The following SHQ1 variants were observed in gnomAD, a reference collection of about 807,000 sequenced individuals.
The protein encoded by SHQ1 is SHQ1, H/ACA ribonucleoprotein assembly factor.
SHQ1 carries 49 observed loss-of-function variants against 53.8 expected under a neutral mutation model. That is an observed-to-expected ratio of 0.91 (90% CI 0.72 to 1.16). SHQ1 has a LOEUF of 1.16. Among genes scored for constraint, SHQ1 ranks in the 50% most tolerant of loss-of-function variants. The probability of loss-of-function intolerance (pLI) is 0.00; values close to 1 mark genes in which losing one functional copy is unlikely to be tolerated. For synonymous variants in SHQ1, 243 were observed against 251.0 expected, an observed-to-expected ratio of 0.97 and a Z score of 0.30; for missense variants, 738 against 683.1, an observed-to-expected ratio of 1.08 and a Z score of -0.90.
chr3:72,772,508 C>A, intron 10 of SHQ1: 1 of 589,072 alleles, frequency 1.7e-6, no homozygotes, highest in South Asian at 1.6e-5. Flanking sequence ...GACCCTCAGA[C>A]AGTGATATGA....
intron 9 of SHQ1, chr3:72,794,420 G>A (rs1415821877): frequency 6.6e-6 from 1 of 152,194 alleles, no homozygotes; most frequent in Non-Finnish European, 1.5e-5. Flanking sequence ...TTCTAAGAAT[G>A]AATGAATACA....
chr3:72,848,101 C>T, intron 1 of SHQ1, 97 bp downstream of exon 1: 1 of 1,454,136 alleles, frequency 6.9e-7, no homozygotes, highest in South Asian at 1.2e-5. Context: ...AAAAGGCATT[C>T]GCGCAATCGA....
At chr3:72,759,860 A>T (rs1322475929) in intron 10 of SHQ1, among the ~76,000 whole-genome samples, 1 of 152,260 alleles carries the variant, frequency 6.6e-6, no homozygotes, top group Non-Finnish European at 1.5e-5. Flanking sequence ...TTGTATTTGT[A>T]ATTGTTCTAA....
chr3:72,812,403 T>C (rs1707152486), intron 9 of SHQ1, among the ~76,000 whole-genome samples: 1 of 152,212 alleles, frequency 6.6e-6, no homozygotes, highest in South Asian at 2.1e-4. Flanking sequence ...ATGCAGCTAT[T>C]ATAATGTAAA....
chr3:72,793,140 G>T, intron 9 of SHQ1, 104 bp from the exon 10 acceptor site: 1 of 1,087,478 alleles, frequency 9.2e-7, no homozygotes. Context: ...CATTTCTTAA[G>T]AACATTTTTA....
chr3:72,744,208 ATTC>A, the SHQ1 span, among the ~76,000 whole-genome samples: 14 of 152,300 alleles, frequency 9.2e-5, no homozygotes, highest in African/African-American at 3.1e-4. Flanking sequence ...GTTCTTGCCA[ATTC>A]TTCTCCTGAA....
At chr3:72,753,491 C>T in intron 10 of SHQ1, 2 of 985,414 alleles carry the variant, frequency 2.0e-6, no homozygotes, top group Non-Finnish European at 1.2e-6. Flanking sequence ...ACAACCCCTG[C>T]TGCCTCTTCA....
intron 10 of SHQ1, among the ~76,000 whole-genome samples, chr3:72,765,557 A>ATTTTTTT (rs61074795): frequency 1.6e-4 from 9 of 57,186 alleles, no homozygotes; most frequent in African/African-American, 7.1e-4. Flanking sequence ...ATATATATAT[A>ATTTTTTT]TTTTTTTTTT....
intron 10 of SHQ1, among the ~76,000 whole-genome samples, chr3:72,777,705 T>C (rs1303170959): frequency 5.9e-5 from 9 of 152,226 alleles, no homozygotes; most frequent in Non-Finnish European, 7.3e-5. Flanking sequence ...TTCCTAGGTA[T>C]AGGGCTTAAC....
chr3:72,736,770 G>T, the SHQ1 span, among the ~76,000 whole-genome samples: 2 of 124,852 alleles, frequency 1.6e-5, no homozygotes, highest in African/African-American at 6.2e-5. Context: ...TCCAGCCTGG[G>T]TGACAGAGTG....
At chr3:72,806,376 A>T (rs1227967211) in intron 9 of SHQ1, among the ~76,000 whole-genome samples, 1 of 152,202 alleles carries the variant, frequency 6.6e-6, no homozygotes, top group Non-Finnish European at 1.5e-5. Flanking sequence ...CTTTAATTCC[A>T]TGCTAGTTTC....
rs1352816059 is a variant in SHQ1, at chr3:72,833,479, TAGATAGATAGATAGATAGATAGAC to T, written c.487-1022_487-999del. On this transcript the variant is annotated intron_variant, in intron 4 of 10. Coordinates refer to ENST00000325599, the MANE Select transcript of SHQ1 (RefSeq NM_018130.3). ...ATAGATAGATAGATAGATAGATAGA[TAGATAGATAGATAGATAGATAGAC>T]AGACAGACAGACAGATAGATGGATG... Among the ~76,000 whole-genome samples, 472 of 80,714 alleles carry T rather than the reference TAGATAGATAGATAGATAGATAGAC, an allele frequency of 5.8e-3. 4 individuals are homozygous for T. Among genetic ancestry groups the T allele is most frequent in the African/African-American group, 0.017 (420 of 24,016 alleles). 53.0% of individuals were successfully genotyped at this position (80,714 alleles called of 152,430 possible). A position where few individuals can be genotyped will look rare whatever the true frequency, so the allele number is the denominator to read the frequency against.
At chr3:72,812,898 G>T in intron 8 of SHQ1, 104 bp from the exon 9 acceptor site, 1 of 1,315,152 alleles carries the variant, frequency 7.6e-7, no homozygotes, top group Non-Finnish European at 1.1e-6. Flanking sequence ...CTGCAAGTTC[G>T]GATCATTGTG....
At chr3:72,842,104 T>C (rs1328182121) in intron 3 of SHQ1, among the ~76,000 whole-genome samples, 176 bp downstream of exon 3, 1 of 152,232 alleles carries the variant, frequency 6.6e-6, no homozygotes, top group African/African-American at 2.4e-5. Flanking sequence ...AATAGGATTT[T>C]TAATGTCTTA....
intron 10 of SHQ1, among the ~76,000 whole-genome samples, chr3:72,764,072 T>C (rs1289320693): frequency 6.6e-6 from 1 of 151,628 alleles, no homozygotes; most frequent in Non-Finnish European, 1.5e-5. Flanking sequence ...TTTCTTTGCG[T>C]AATAACATGA....
At chr3:72,742,464 A>T in the SHQ1 span, among the ~76,000 whole-genome samples, 12 of 152,118 alleles carry the variant, frequency 7.9e-5, no homozygotes, top group East Asian at 2.3e-3. Context: ...CCTCATGTTA[A>T]GAGAAAGAAG....
At chr3:72,773,166 A>AT (rs1705891078) in intron 10 of SHQ1, 1 of 740,666 alleles carries the variant, frequency 1.4e-6, no homozygotes, top group Non-Finnish European at 2.5e-6. Flanking sequence ...GGAAAAAGAC[A>AT]TAAAAAACCA....
chr3:72,815,840 T>C (rs2106870458), intron 7 of SHQ1, among the ~76,000 whole-genome samples: 1 of 152,336 alleles, frequency 6.6e-6, no homozygotes. Flanking sequence ...TTTCAGAGAA[T>C]GCTGGTGAGA....
At chr3:72,756,541 GT>G (rs1705500318) in intron 10 of SHQ1, among the ~76,000 whole-genome samples, 1 of 152,208 alleles carries the variant, frequency 6.6e-6, no homozygotes, top group African/African-American at 2.4e-5. Flanking sequence ...GTCTCTCAAA[GT>G]GCTGGGGATT....
Sources: gnomAD v4.1 joint callset for allele counts (sites outside exome capture counted in the v4.1 genomes callset) on GRCh38, gnomAD v4.1.1 for gene constraint, MANE v1.5 for transcripts, NCBI Gene and HGNC (gene_info 2026-07-23, HGNC 2026-07-21) for gene names.